The following WNT16 variants were observed in gnomAD, a reference collection of about 807,000 sequenced individuals.
WNT16 encodes protein Wnt-16.
A neutral mutation model predicts 35.4 loss-of-function variants in WNT16; 20 were observed. That is an observed-to-expected ratio of 0.56 (90% CI 0.40 to 0.82). The LOEUF (loss-of-function observed/expected upper bound fraction) is 0.82, where lower values mean the gene tolerates loss of function less well. Ranked by LOEUF, WNT16 falls within the 40% of genes least tolerant of loss-of-function variation. The pLI is 0.00. For missense variants in WNT16, 461 were observed against 466.0 expected, an observed-to-expected ratio of 0.99 and a Z score of 0.10; for synonymous variants, 180 against 179.2, an observed-to-expected ratio of 1.00 and a Z score of -0.03.
intron 2 of WNT16, among the ~76,000 whole-genome samples, chr7:121,330,558 A>T (rs59723881): frequency 0.018 from 2,724 of 152,230 alleles, 85 homozygotes; most frequent in African/African-American, 0.062. Flanking sequence ...GGGGCGCTGA[A>T]GGATGCGCTG....
chr7:121,330,931 G>T (rs1485532583), intron 2 of WNT16, among the ~76,000 whole-genome samples: 2 of 151,570 alleles, frequency 1.3e-5, no homozygotes, highest in South Asian at 2.1e-4. Flanking sequence ...AATTTTCAAA[G>T]ATTTTAGCTC....
chr7:121,328,939 G>A (rs770308171), upstream of WNT16: 107 of 799,364 alleles, frequency 1.3e-4, no homozygotes, highest in Non-Finnish European at 1.6e-4. Context: ...TCAGGCTCCA[G>A]GCGCGGCCAG....
upstream of WNT16, chr7:121,325,414 C>G: frequency 6.2e-7 from 1 of 1,613,446 alleles, no homozygotes; most frequent in Non-Finnish European, 8.5e-7. Context: ...GGAAAGGCAC[C>G]CATGCAGCTC....
At chr7:121,328,892 C>A (rs965340914), upstream of WNT16, 3 of 370,846 alleles carry the variant, frequency 8.1e-6, no homozygotes, top group South Asian at 2.1e-4. Flanking sequence ...AGCCTGAGGT[C>A]CCGAGATGAT....
intron 3 of WNT16, among the ~76,000 whole-genome samples, chr7:121,333,984 G>A (rs1311945872): frequency 2.0e-5 from 3 of 151,924 alleles, no homozygotes; most frequent in African/African-American, 7.2e-5. Context: ...AGGTAGTAAT[G>A]TTCCTCTCTG....
intron 2 of WNT16, among the ~76,000 whole-genome samples, chr7:121,330,739 G>C (rs540305297): frequency 2.2e-5 from 3 of 137,950 alleles, no homozygotes; most frequent in Non-Finnish European, 4.7e-5. Context: ...AAAAAAAAGA[G>C]ACAGAAAGAA....
intron 3 of WNT16, among the ~76,000 whole-genome samples, chr7:121,333,603 G>A (rs1056144459): frequency 1.3e-4 from 20 of 151,924 alleles, no homozygotes; most frequent in African/African-American, 4.3e-4. Flanking sequence ...TATCCAATAA[G>A]GGAATTTTTA....
At chr7:121,331,348 T>C (rs1793342242) in intron 2 of WNT16, among the ~76,000 whole-genome samples, 1 of 152,224 alleles carries the variant, frequency 6.6e-6, no homozygotes, top group South Asian at 2.1e-4. Flanking sequence ...CAGCATGTAT[T>C]ACTGAGCTAT....
At chr7:121,336,852 C>G (rs760763761) in intron 3 of WNT16, among the ~76,000 whole-genome samples, 10 of 152,062 alleles carry the variant, frequency 6.6e-5, no homozygotes, top group Admixed American at 2.0e-4. Flanking sequence ...CAGTCATGAT[C>G]CAGGGGAGAA....
At position 121,331,892 on chromosome 7, in the gene WNT16, CG is replaced by C. The variant is rs1793355652; in HGVS notation, c.563del (p.Gly188GlufsTer12). 6.2e-7 allele frequency: 1 copy of C among 1,613,956 alleles called. No individual in the cohort carries two copies. The highest frequency in any genetic ancestry group is 1.1e-5 in the South Asian group (1 of 91,082). On this transcript the variant is annotated frameshift_variant, in exon 3 of 4. Transcript: ENST00000222462. LOFTEE classifies it high-confidence loss of function. The stretch of plus-strand genomic sequence containing the variant: ...GCAGAAAGTTCCTAGATTTCCCCAT[CG>C]GAAACACCACGGGCAAAGAAAACAA... Reference protein sequence around the residue: ...FSRKFLDFPIGNTTGKENKVL... With the variant: ...FSRKFLDFPIXNTTGKENKVL...
At chr7:121,332,796 A>T (rs1381349404) in intron 3 of WNT16, among the ~76,000 whole-genome samples, 1 of 152,150 alleles carries the variant, frequency 6.6e-6, no homozygotes, top group Non-Finnish European at 1.5e-5. Flanking sequence ...TAGATATTTT[A>T]AAATATCAGT....
At chr7:121,325,376 A>C (rs1310478033), upstream of WNT16, 13 of 1,600,794 alleles carry the variant, frequency 8.1e-6, no homozygotes, top group Non-Finnish European at 1.1e-5. Context: ...CAGCCTGCAA[A>C]AACCACAGAG....
chr7:121,327,592 C>T (rs188489715), upstream of WNT16, among the ~76,000 whole-genome samples: 8 of 152,120 alleles, frequency 5.3e-5, no homozygotes, highest in Non-Finnish European at 1.0e-4. Flanking sequence ...TCTGGTGATC[C>T]GCCCATCTTG....
chr7:121,332,621 T>G (rs2116836914), intron 3 of WNT16, among the ~76,000 whole-genome samples: 1 of 152,306 alleles, frequency 6.6e-6, no homozygotes, highest in South Asian at 2.1e-4. Context: ...TGTACTTACC[T>G]TTTTCTAGCA....
At chr7:121,334,161 T>C (rs1793397986) in intron 3 of WNT16, among the ~76,000 whole-genome samples, 1 of 152,142 alleles carries the variant, frequency 6.6e-6, no homozygotes, top group Non-Finnish European at 1.5e-5. Flanking sequence ...ATTCAATTTA[T>C]GCATATATGT....
At chr7:121,325,446 C>T (rs1317357626), upstream of WNT16, 7 of 1,613,784 alleles carry the variant, frequency 4.3e-6, no homozygotes, top group African/African-American at 1.3e-5. Flanking sequence ...CAGGGAGACC[C>T]TCTTCACAGG....
rs539923811 is a variant in WNT16, at chr7:121,339,223, G to T, written c.976G>T (p.Gly326Cys). 6.2e-7 allele frequency: 1 copy of T among 1,614,192 alleles called. No homozygotes were observed. Among genetic ancestry groups the T allele is most frequent in the Non-Finnish European group, 8.5e-7 (1 of 1,180,024 alleles). ...AGATGGCTGCAACCTCCTCTGCTGT[G>T]GCCGAGGTTACAACACCCATGTGGT... ...GADGCNLLCCGRGYNTHVVRH... is the reference protein window; with the variant it reads ...GADGCNLLCCCRGYNTHVVRH... The change falls in exon 4 of 4, where the codon GGC becomes TGC. Residue 326 changes from glycine (G) to cysteine (C), a missense_variant. Coordinates refer to ENST00000222462, the MANE Select transcript of WNT16 (RefSeq NM_057168.2).
At chr7:121,334,724 T>C (rs910691171) in intron 3 of WNT16, among the ~76,000 whole-genome samples, 2 of 152,130 alleles carry the variant, frequency 1.3e-5, no homozygotes, top group African/African-American at 4.8e-5. Context: ...CCTAAACTTA[T>C]GACTCCAAGA....
chr7:121,332,525 T>A (rs1360639382), intron 3 of WNT16, among the ~76,000 whole-genome samples: 2 of 152,176 alleles, frequency 1.3e-5, no homozygotes, highest in Non-Finnish European at 2.9e-5. Flanking sequence ...CTGAGTCAAA[T>A]TTCATTTCCC....
Sources: allele counts gnomAD v4.1 joint callset (sites outside exome capture counted in the v4.1 genomes callset), GRCh38; gene constraint gnomAD v4.1.1; transcripts MANE v1.5; gene names NCBI Gene and HGNC (gene_info 2026-07-23, HGNC 2026-07-21).